ZNF804B: variants seen among roughly 807,000 people sequenced by gnomAD.
The protein encoded by ZNF804B is zinc finger 804B.
In ZNF804B, 80 loss-of-function variants were observed where a neutral mutation model predicts 101.4. That is an observed-to-expected ratio of 0.79 (90% CI 0.66 to 0.95). ZNF804B has a LOEUF of 0.95. Ranked by LOEUF, ZNF804B falls within the 40% of genes least tolerant of loss-of-function variation. The pLI is 0.00. For synonymous variants in ZNF804B, 622 were observed against 558.8 expected, an observed-to-expected ratio of 1.11 and a Z score of -1.59; for missense variants, 1,673 against 1,561.9, an observed-to-expected ratio of 1.07 and a Z score of -1.20.
chr7:88,862,166 A>G (rs1332478623), intron 1 of ZNF804B, among the ~76,000 whole-genome samples: 1 of 152,224 alleles, frequency 6.6e-6, no homozygotes, highest in Non-Finnish European at 1.5e-5. Context: ...CATGTAGTAT[A>G]AAATTATGCA....
At chr7:88,883,013 G>A (rs1441952946) in intron 1 of ZNF804B, among the ~76,000 whole-genome samples, 2 of 151,882 alleles carry the variant, frequency 1.3e-5, no homozygotes, top group African/African-American at 4.8e-5. Flanking sequence ...AATGAAAATT[G>A]AAATTAAAAA....
At chr7:88,767,254 T>C (rs1046290229) in intron 1 of ZNF804B, among the ~76,000 whole-genome samples, 1 of 152,148 alleles carries the variant, frequency 6.6e-6, no homozygotes, top group Non-Finnish European at 1.5e-5. Flanking sequence ...CTTTCATCTT[T>C]AGTTCAGAAT....
intron 1 of ZNF804B, among the ~76,000 whole-genome samples, chr7:89,133,840 A>G (rs1790589721): frequency 6.6e-6 from 1 of 152,082 alleles, no homozygotes; most frequent in African/African-American, 2.4e-5. Context: ...ATTTCAGTTT[A>G]TTTTGTATCT....
intron 1 of ZNF804B, among the ~76,000 whole-genome samples, chr7:89,016,239 G>C (rs1053226731): frequency 4.3e-4 from 65 of 151,330 alleles, no homozygotes; most frequent in East Asian, 1.6e-3. Flanking sequence ...GGATATTAGC[G>C]CTTTGTCAGA....
At chr7:89,119,842 A>G (rs1183376719) in intron 1 of ZNF804B, among the ~76,000 whole-genome samples, 1 of 152,242 alleles carries the variant, frequency 6.6e-6, no homozygotes, top group African/African-American at 2.4e-5. Flanking sequence ...AATTAAAAAA[A>G]TACGTGTTTT....
At chr7:88,959,218 T>C (rs1057087947) in intron 1 of ZNF804B, among the ~76,000 whole-genome samples, 3 of 151,464 alleles carry the variant, frequency 2.0e-5, no homozygotes, top group African/African-American at 7.3e-5. Flanking sequence ...ATTGTCATTG[T>C]CAGTGTTTAT....
intron 2 of ZNF804B, among the ~76,000 whole-genome samples, chr7:89,313,161 G>A (rs1339315128): frequency 1.3e-5 from 2 of 152,188 alleles, no homozygotes; most frequent in Non-Finnish European, 2.9e-5. Context: ...AGATTAGATA[G>A]TCTGTTTTCA....
chr7:88,814,998 G>C (rs1790853313), intron 1 of ZNF804B, among the ~76,000 whole-genome samples: 1 of 149,300 alleles, frequency 6.7e-6, no homozygotes, highest in Non-Finnish European at 1.5e-5. Flanking sequence ...CAAATTTCTT[G>C]GTTTAAAAAT....
At chr7:89,141,817 C>A (rs140295322) in intron 1 of ZNF804B, among the ~76,000 whole-genome samples, 1 of 151,124 alleles carries the variant, frequency 6.6e-6, no homozygotes, top group Non-Finnish European at 1.5e-5. Context: ...GGAATTTTGA[C>A]CACAGCAATA....
chr7:88,828,378 G>T (rs1175813806), intron 1 of ZNF804B, among the ~76,000 whole-genome samples: 4 of 151,972 alleles, frequency 2.6e-5, no homozygotes, highest in African/African-American at 9.7e-5. Context: ...ATGATTCAGT[G>T]TATTTTTTTT....
chr7:88,915,346 G>C (rs1370706003), intron 1 of ZNF804B, among the ~76,000 whole-genome samples: 1 of 151,988 alleles, frequency 6.6e-6, no homozygotes, highest in Non-Finnish European at 1.5e-5. Flanking sequence ...AACAGAATCA[G>C]TGACATATTA....
intron 2 of ZNF804B, among the ~76,000 whole-genome samples, chr7:89,228,639 C>G (rs1238507624): frequency 6.6e-6 from 1 of 152,202 alleles, no homozygotes; most frequent in African/African-American, 2.4e-5. Flanking sequence ...GGTGTATTTA[C>G]AATCCCTGAG....
intron 2 of ZNF804B, among the ~76,000 whole-genome samples, chr7:89,306,222 A>G (rs1790559345): frequency 6.6e-6 from 1 of 151,996 alleles, no homozygotes. Flanking sequence ...GCATAATCAT[A>G]TTAACGAAAT....
intron 1 of ZNF804B, among the ~76,000 whole-genome samples, chr7:89,103,103 G>T (rs1461806647): frequency 2.0e-5 from 2 of 98,254 alleles, no homozygotes; most frequent in Admixed American, 1.6e-4. Context: ...GTGGTGTTTG[G>T]TTATAATAAA....
At chr7:89,309,111 T>C (rs1028286555) in intron 2 of ZNF804B, among the ~76,000 whole-genome samples, 5 of 152,154 alleles carry the variant, frequency 3.3e-5, no homozygotes, top group African/African-American at 9.7e-5. Flanking sequence ...TAGTACCTGA[T>C]AGGTAGTTAT....
chr7:89,262,118 C>T (rs1389149364), intron 2 of ZNF804B, among the ~76,000 whole-genome samples: 1 of 152,218 alleles, frequency 6.6e-6, no homozygotes, highest in Non-Finnish European at 1.5e-5. Flanking sequence ...ACTTCCAAAA[C>T]ACTCATATTT....
At chr7:88,998,894 T>C (rs1230270963) in intron 1 of ZNF804B, among the ~76,000 whole-genome samples, 2 of 151,998 alleles carry the variant, frequency 1.3e-5, no homozygotes, top group East Asian at 3.9e-4. Context: ...CTCAGTAAAA[T>C]AGGGCAAAAG....
At chr7:88,922,838 A>T (rs1253153941) in intron 1 of ZNF804B, among the ~76,000 whole-genome samples, 2 of 152,056 alleles carry the variant, frequency 1.3e-5, no homozygotes, top group African/African-American at 2.4e-5. Context: ...TTTTAGTATA[A>T]TGATTTCAAT....
intron 2 of ZNF804B, 124 bp downstream of exon 2, chr7:89,218,419 T>C (rs931665971): frequency 2.6e-5 from 31 of 1,179,222 alleles, no homozygotes; most frequent in East Asian, 7.8e-5. Context: ...ATGTCTTTTT[T>C]CCCCCCTGGA....
Sources: allele counts gnomAD v4.1 joint callset (sites outside exome capture counted in the v4.1 genomes callset), GRCh38; gene constraint gnomAD v4.1.1; transcripts MANE v1.5; gene names NCBI Gene and HGNC (gene_info 2026-07-23, HGNC 2026-07-21).